The following HS3ST4 variants were observed in gnomAD, a reference collection of about 807,000 sequenced individuals.
HS3ST4 encodes heparan sulfate glucosamine 3-O-sulfotransferase 4.
HS3ST4 carries 17 observed loss-of-function variants against 29.2 expected under a neutral mutation model. The ratio of observed to expected loss-of-function variants is 0.58; its 90% CI spans 0.40 to 0.87. The LOEUF is 0.87. HS3ST4 is among the 40% of genes least tolerant of loss of function. The pLI is 0.00. For missense variants in HS3ST4, 627 were observed against 634.5 expected, an observed-to-expected ratio of 0.99 and a Z score of 0.13; for synonymous variants, 314 against 285.7, an observed-to-expected ratio of 1.10 and a Z score of -1.00.
At chr16:26,096,154 C>G (rs1186143520) in intron 1 of HS3ST4, among the ~76,000 whole-genome samples, 1 of 152,170 alleles carries the variant, frequency 6.6e-6, no homozygotes, top group Non-Finnish European at 1.5e-5. Flanking sequence ...CAGCCGAATA[C>G]TACCAGAGGT....
In HS3ST4 at chr16:25,989,668, C is replaced by T. The variant is rs560492940; in HGVS notation, c.735-145944C>T. On this transcript the variant is annotated intron_variant, in intron 1 of 1. Transcript: ENST00000331351. ...CCGTATGAGGCCTAACTGACTTCGT[C>T]TGCTCAGGGGTTCTTCAGGTCCAGT... Among the ~76,000 whole-genome samples the T allele has an allele frequency of 6.6e-5, 10 of 152,334 alleles. No homozygotes were observed. In the South Asian group the frequency reaches 2.1e-3, roughly 32 times the overall value.
chr16:25,955,849 C>T (rs1322155449), intron 1 of HS3ST4, among the ~76,000 whole-genome samples: 4 of 145,520 alleles, frequency 2.7e-5, no homozygotes, highest in African/African-American at 1.0e-4. Flanking sequence ...GAGTCTTGCT[C>T]TGTCTCCCAG....
intron 1 of HS3ST4, among the ~76,000 whole-genome samples, chr16:26,123,863 T>G (rs1260590883): frequency 6.6e-6 from 1 of 152,232 alleles, no homozygotes; most frequent in African/African-American, 2.4e-5. Context: ...TTTTTATGTC[T>G]GCATAGTATT....
chr16:26,064,959 C>T (rs1214938653), intron 1 of HS3ST4, among the ~76,000 whole-genome samples: 1 of 152,138 alleles, frequency 6.6e-6, no homozygotes, highest in East Asian at 1.9e-4. Flanking sequence ...CCATCACCAC[C>T]AGTAAAGTTA....
chr16:25,763,337 G>GCCA (rs1213755216), intron 1 of HS3ST4, among the ~76,000 whole-genome samples: 2 of 152,286 alleles, frequency 1.3e-5, no homozygotes, highest in East Asian at 3.9e-4. Flanking sequence ...AGAAGGAAAT[G>GCCA]CCACCTGATG....
At chr16:25,762,648 C>G (rs1234449622) in intron 1 of HS3ST4, among the ~76,000 whole-genome samples, 7 of 151,906 alleles carry the variant, frequency 4.6e-5, no homozygotes, top group Non-Finnish European at 1.0e-4. Flanking sequence ...GGGAGGATTG[C>G]TTGAGCTCAG....
chr16:25,907,228 T>C (rs971804161), intron 1 of HS3ST4, among the ~76,000 whole-genome samples: 1 of 151,962 alleles, frequency 6.6e-6, no homozygotes, highest in Non-Finnish European at 1.5e-5. Flanking sequence ...AAAAAGATAC[T>C]TTGGCAGGTG....
intron 1 of HS3ST4, among the ~76,000 whole-genome samples, chr16:25,969,689 G>C (rs1230462510): frequency 6.6e-6 from 1 of 152,174 alleles, no homozygotes; most frequent in Non-Finnish European, 1.5e-5. Context: ...TAAGGTGCAT[G>C]CATGTAGGAG....
intron 1 of HS3ST4, among the ~76,000 whole-genome samples, chr16:26,116,400 G>A (rs1028270443): frequency 3.9e-5 from 6 of 152,142 alleles, no homozygotes; most frequent in African/African-American, 4.8e-5. Context: ...GATCACACCC[G>A]CATTCAAGGG....
intron 1 of HS3ST4, among the ~76,000 whole-genome samples, chr16:26,103,193 C>T (rs1899009383): frequency 1.3e-5 from 2 of 152,036 alleles, no homozygotes; most frequent in South Asian, 4.2e-4. Context: ...GGATGTTTTA[C>T]ACAGTTACCT....
intron 1 of HS3ST4, among the ~76,000 whole-genome samples, chr16:25,839,792 A>G (rs1412529361): frequency 6.6e-6 from 1 of 152,190 alleles, no homozygotes; most frequent in African/African-American, 2.4e-5. Context: ...CACTCTTGGA[A>G]GAACATCTAA....
intron 1 of HS3ST4, among the ~76,000 whole-genome samples, chr16:25,845,410 G>A (rs1190115071): frequency 1.3e-5 from 2 of 152,060 alleles, no homozygotes; most frequent in African/African-American, 4.8e-5. Flanking sequence ...TCTGGAGGCC[G>A]AGGCAGGAGA....
At chr16:25,875,243 A>G (rs1269552884) in intron 1 of HS3ST4, among the ~76,000 whole-genome samples, 2 of 152,142 alleles carry the variant, frequency 1.3e-5, no homozygotes. Context: ...TGTTACTTGT[A>G]TACCTGGATG....
At chr16:25,781,757 C>T (rs1485125127) in intron 1 of HS3ST4, among the ~76,000 whole-genome samples, 1 of 152,166 alleles carries the variant, frequency 6.6e-6, no homozygotes, top group African/African-American at 2.4e-5. Flanking sequence ...GAAAGTTTAG[C>T]AGTATTATTT....
chr16:26,090,092 A>C (rs557293528), intron 1 of HS3ST4, among the ~76,000 whole-genome samples: 1 of 152,344 alleles, frequency 6.6e-6, no homozygotes, highest in South Asian at 2.1e-4. Flanking sequence ...ACAGGTACTT[A>C]ATAAATGTCA....
chr16:25,937,680 T>C (rs1428123060), intron 1 of HS3ST4, among the ~76,000 whole-genome samples: 3 of 152,190 alleles, frequency 2.0e-5, no homozygotes, highest in African/African-American at 7.2e-5. Context: ...CTGTTTCATG[T>C]TGCCTGGTTG....
chr16:26,000,940 A>G (rs1969206522), intron 1 of HS3ST4, among the ~76,000 whole-genome samples: 4 of 152,208 alleles, frequency 2.6e-5, no homozygotes, highest in Admixed American at 2.6e-4. Context: ...ATTTTTCAAA[A>G]ATGTCAAAGT....
chr16:26,000,813 G>A (rs1191253666), intron 1 of HS3ST4, among the ~76,000 whole-genome samples: 4 of 152,184 alleles, frequency 2.6e-5, no homozygotes, highest in Non-Finnish European at 5.9e-5. Context: ...GAGAAGGACA[G>A]GGTATTGCTT....
At chr16:25,768,508 G>A (rs1966835618) in intron 1 of HS3ST4, among the ~76,000 whole-genome samples, 1 of 152,156 alleles carries the variant, frequency 6.6e-6, no homozygotes, top group Non-Finnish European at 1.5e-5. Flanking sequence ...AGCCGACCAG[G>A]AGCTGAGAAG....
Sources: allele counts gnomAD v4.1 joint callset (sites outside exome capture counted in the v4.1 genomes callset), GRCh38; gene constraint gnomAD v4.1.1; transcripts MANE v1.5; gene names NCBI Gene and HGNC (gene_info 2026-07-23, HGNC 2026-07-21).